Variants in MYO1E observed in about 807,000 individuals in gnomAD.
The protein encoded by MYO1E is unconventional myosin-Ie.
A neutral mutation model predicts 151.1 loss-of-function variants in MYO1E; 68 were observed. That is an observed-to-expected ratio of 0.45 (90% CI 0.37 to 0.55). The LOEUF is 0.55. MYO1E is among the 20% of genes least tolerant of loss of function. MYO1E has a pLI of 0.00. For missense variants in MYO1E, 1,363 were observed against 1,389.3 expected (o/e 0.98, Z 0.30); for synonymous variants, 601 against 501.7 (o/e 1.20, Z -2.64).
Position 59,268,642 on chromosome 15 carries a change from A to G in MYO1E, c.147+3664T>C, listed in dbSNP as rs531166251. On this transcript the variant is annotated intron_variant, in intron 2 of 27. Transcript: ENST00000288235. ...AAAGCACACATATATGCATGGCCAT[A>G]TGTGGTTAAACTGAAAGCTCTACAC... Among the ~76,000 whole-genome samples, 50 of 147,766 alleles carry G rather than the reference A, an allele frequency of 3.4e-4. 1 individual carries two copies. The highest frequency in any genetic ancestry group is 1.1e-3 in the African/African-American group (44 of 40,286).
intron 1 of MYO1E, among the ~76,000 whole-genome samples, chr15:59,363,198 C>T (rs1473349927): frequency 6.6e-6 from 1 of 152,014 alleles, no homozygotes; most frequent in Non-Finnish European, 1.5e-5. Context: ...AGGATGGTCT[C>T]GATCTCCTGA....
chr15:59,366,441 C>A (rs1222290683), intron 1 of MYO1E, among the ~76,000 whole-genome samples: 1 of 152,078 alleles, frequency 6.6e-6, no homozygotes, highest in Non-Finnish European at 1.5e-5. Context: ...GTGCATGACA[C>A]CACACGTGGC....
At chr15:59,286,867 C>G (rs752574658) in intron 1 of MYO1E, among the ~76,000 whole-genome samples, 8 of 152,036 alleles carry the variant, frequency 5.3e-5, no homozygotes, top group Admixed American at 1.3e-4. Flanking sequence ...GTATCAATGA[C>G]ACATGTTTAC....
intron 1 of MYO1E, among the ~76,000 whole-genome samples, chr15:59,323,751 A>C (rs530961699): frequency 9.9e-5 from 15 of 152,252 alleles, no homozygotes; most frequent in Non-Finnish European, 1.9e-4. Flanking sequence ...ACAGGGCCCC[A>C]GCACACTGGA....
intron 2 of MYO1E, among the ~76,000 whole-genome samples, chr15:59,270,414 T>C (rs2080282311): frequency 6.6e-6 from 1 of 151,648 alleles, no homozygotes; most frequent in Non-Finnish European, 1.5e-5. Flanking sequence ...CATCGTGGTG[T>C]CTGCCTGTAG....
intron 1 of MYO1E, among the ~76,000 whole-genome samples, chr15:59,328,825 C>A (rs1286534946): frequency 6.6e-6 from 1 of 152,170 alleles, no homozygotes; most frequent in African/African-American, 2.4e-5. Context: ...CCCAGGGCTA[C>A]TTCTACCCAT....
intron 1 of MYO1E, among the ~76,000 whole-genome samples, chr15:59,320,353 C>T (rs1343951752): frequency 1.3e-5 from 2 of 151,914 alleles, no homozygotes; most frequent in African/African-American, 4.8e-5. Flanking sequence ...AAAAAGGGCC[C>T]AAATACAAAA....
At chr15:59,242,405 C>T (rs1310574681) in intron 4 of MYO1E, among the ~76,000 whole-genome samples, 2 of 152,066 alleles carry the variant, frequency 1.3e-5, no homozygotes, top group African/African-American at 2.4e-5. Context: ...GGAAGGGGTT[C>T]CCACTGGCCA....
intron 15 of MYO1E, among the ~76,000 whole-genome samples, chr15:59,204,408 G>C (rs958348624): frequency 9.9e-5 from 15 of 152,204 alleles, no homozygotes; most frequent in African/African-American, 3.6e-4. Flanking sequence ...CTGTTGATCA[G>C]AGAAGCTGGC....
intron 1 of MYO1E, among the ~76,000 whole-genome samples, chr15:59,337,560 G>A (rs1179167911): frequency 1.3e-5 from 2 of 152,254 alleles, no homozygotes. Flanking sequence ...GCTGGGCACA[G>A]TGGCTCACGC....
intron 16 of MYO1E, among the ~76,000 whole-genome samples, chr15:59,198,700 G>T (rs1048999240): frequency 1.3e-5 from 2 of 151,918 alleles, no homozygotes; most frequent in Non-Finnish European, 2.9e-5. Context: ...GCCACCTGTA[G>T]TCCAGCCACG....
intron 17 of MYO1E, among the ~76,000 whole-genome samples, chr15:59,193,143 T>C (rs1369472205): frequency 1.3e-4 from 20 of 150,756 alleles, no homozygotes; most frequent in Non-Finnish European, 1.5e-5. Context: ...ACCTGCAAGA[T>C]TTTTAAGATG....
intron 3 of MYO1E, among the ~76,000 whole-genome samples, chr15:59,257,846 G>C (rs1269612332): frequency 6.6e-6 from 1 of 152,130 alleles, no homozygotes; most frequent in Non-Finnish European, 1.5e-5. Flanking sequence ...ACCTGGATAG[G>C]ACCTCAGGAT....
In MYO1E at chr15:59,258,320, C is replaced by G. The variant is rs142268106; in HGVS notation, c.238-1942G>C. Among the ~76,000 whole-genome samples, 445 of 152,264 alleles carry G rather than the reference C, an allele frequency of 2.9e-3. 2 individuals are homozygous for G. Among genetic ancestry groups the G allele is most frequent in the African/African-American group, 0.01 (418 of 41,556 alleles). On this transcript the variant is annotated intron_variant, in intron 3 of 27. Transcript: ENST00000288235. ...TGAGATTGCAGTATTGCACTCCAGT[C>G]TGGTGAAGAGCGAGACTCCGTCTCA... is the stretch of plus-strand genomic sequence containing the variant.
At chr15:59,368,796 T>A (rs1424297921) in intron 1 of MYO1E, among the ~76,000 whole-genome samples, 1 of 152,062 alleles carries the variant, frequency 6.6e-6, no homozygotes, top group Non-Finnish European at 1.5e-5. Flanking sequence ...TCAGCAAAAG[T>A]GTGGTGGAGG....
At chr15:59,242,291 G>T (rs1353372469) in intron 4 of MYO1E, among the ~76,000 whole-genome samples, 1 of 152,218 alleles carries the variant, frequency 6.6e-6, no homozygotes, top group Non-Finnish European at 1.5e-5. Flanking sequence ...TGCCAGGGCT[G>T]GAGTGGGGAA....
intron 17 of MYO1E, among the ~76,000 whole-genome samples, chr15:59,189,479 G>A (rs1450083588): frequency 3.3e-5 from 5 of 150,054 alleles, no homozygotes; most frequent in Admixed American, 1.4e-4. Context: ...GAGTGGAGTG[G>A]CAAACTTTCT....
Position 59,372,579 on chromosome 15 carries a change from A to G in MYO1E, c.-79T>C. Reference sequence around the variant, plus strand: ...GGCTGGAACGCAGTCTTCTGGGCGAACTTCAAAAGTTGGTTCCCCTCGCCA... The same window carrying G: ...GGCTGGAACGCAGTCTTCTGGGCGAGCTTCAAAAGTTGGTTCCCCTCGCCA... On this transcript the variant is annotated 5_prime_UTR_variant, in exon 1 of 28. Coordinates refer to ENST00000288235, the MANE Select transcript of MYO1E (RefSeq NM_004998.4). The G allele has an allele frequency of 6.6e-7, 1 of 1,511,772 alleles. No individual in the cohort carries two copies. The highest frequency in any genetic ancestry group is 8.9e-7 in the Non-Finnish European group (1 of 1,127,310). 93.6% of individuals were successfully genotyped at this position (1,511,772 alleles called of 1,614,324 possible).
chr15:59,316,909 C>A (rs924948062), intron 1 of MYO1E, among the ~76,000 whole-genome samples: 1 of 152,172 alleles, frequency 6.6e-6, no homozygotes, highest in Non-Finnish European at 1.5e-5. Context: ...AGATACCACT[C>A]CTAAATGTAA....
Sources: allele counts gnomAD v4.1 joint callset (sites outside exome capture counted in the v4.1 genomes callset), GRCh38; gene constraint gnomAD v4.1.1; transcripts MANE v1.5; gene names NCBI Gene and HGNC (gene_info 2026-07-23, HGNC 2026-07-21).